CREBL2: variants seen among roughly 807,000 people sequenced by gnomAD.
CREBL2 encodes the protein cAMP responsive element binding protein like 2, also known as cAMP-responsive element-binding protein-like 2.
In CREBL2, 4 loss-of-function variants were observed where a neutral mutation model predicts 19.5. That is an observed-to-expected ratio of 0.20 (90% confidence interval 0.10 to 0.47). CREBL2 has a LOEUF of 0.47. Ranked by LOEUF, CREBL2 falls within the 20% of genes least tolerant of loss-of-function variation. CREBL2 has a pLI of 0.98. For synonymous variants in CREBL2, 42 were observed against 46.6 expected (o/e 0.90, Z 0.40); for missense variants, 85 against 145.1 (o/e 0.59, Z 2.13).
chr12:12,630,466 G>A (rs917838091), intron 1 of CREBL2, among the ~76,000 whole-genome samples: 2 of 151,912 alleles, frequency 1.3e-5, no homozygotes, highest in African/African-American at 2.4e-5. Context: ...CATGATTTTA[G>A]TATTTTTGAG....
chr12:12,619,610 C>CAAACAAA (rs112902097), intron 1 of CREBL2, among the ~76,000 whole-genome samples: 2,651 of 151,768 alleles, frequency 0.017, 78 homozygotes, highest in African/African-American at 0.06. Flanking sequence ...GACTCTGTCT[C>CAAACAAA]AAAGGAAAAA....
At chr12:12,638,660 T>C (rs1403560809) in intron 3 of CREBL2, among the ~76,000 whole-genome samples, 1 of 152,130 alleles carries the variant, frequency 6.6e-6, no homozygotes, top group African/African-American at 2.4e-5. Context: ...ATCTTAAATA[T>C]TCCCTCCATT....
chr12:12,623,570 G>T (rs1040379948), intron 1 of CREBL2, among the ~76,000 whole-genome samples: 2 of 152,166 alleles, frequency 1.3e-5, no homozygotes, highest in Non-Finnish European at 2.9e-5. Context: ...AGGGGATGGG[G>T]TTCAGGCTGG....
intron 1 of CREBL2, chr12:12,614,467 C>CT (rs34307341): frequency 0.31 from 40,344 of 128,470 alleles, 6,739 homozygotes; most frequent in South Asian, 0.43. Context: ...ATTTAGTTTC[C>CT]TTTTTTTTTT....
intron 1 of CREBL2, among the ~76,000 whole-genome samples, chr12:12,618,949 G>A (rs1001456720): frequency 6.6e-6 from 1 of 152,208 alleles, no homozygotes; most frequent in Admixed American, 6.5e-5. Context: ...TGAGGCAGGA[G>A]AATCAGGCAG....
In CREBL2 at chr12:12,644,579, G is replaced by A. The variant is rs1270022948; in HGVS notation, c.*2581G>A. The stretch of plus-strand genomic sequence containing the variant: ...CAACCTGCTGTATATTAGAGCAACT[G>A]AATATAATATGGAATAAGTTTGACC... On this transcript the variant is annotated 3_prime_UTR_variant, in exon 4 of 4. Transcript: ENST00000228865. The A allele has an allele frequency of 6.6e-6, 1 of 152,578 alleles. No homozygotes were observed. The highest frequency in any genetic ancestry group is 1.5e-5 in the Non-Finnish European group (1 of 68,028). 9.5% of individuals were successfully genotyped at this position (152,578 alleles called of 1,614,324 possible). A position where few individuals can be genotyped will look rare whatever the true frequency, so the allele number is the denominator to read the frequency against.
intron 1 of CREBL2, among the ~76,000 whole-genome samples, chr12:12,635,261 C>T (rs192038052): frequency 5.3e-5 from 8 of 151,426 alleles, no homozygotes; most frequent in South Asian, 2.1e-4. Context: ...TACAGCGACA[C>T]GGGAGGCTGA....
intron 1 of CREBL2, among the ~76,000 whole-genome samples, chr12:12,622,286 T>C (rs773875082): frequency 3.9e-5 from 6 of 152,162 alleles, no homozygotes; most frequent in Non-Finnish European, 1.5e-5. Context: ...ATTAGAGACT[T>C]TACAATGTAA....
At chr12:12,618,292 G>T (rs1945330052) in intron 1 of CREBL2, among the ~76,000 whole-genome samples, 1 of 151,474 alleles carries the variant, frequency 6.6e-6, no homozygotes, top group African/African-American at 2.4e-5. Context: ...CTGCCGGGCG[G>T]AGGGGCTCCT....
At position 12,611,925 on chromosome 12, in the gene CREBL2, G is replaced by GA. The variant is rs1413065865; in HGVS notation, c.-247dup. 1 of 579,346 alleles carries GA rather than the reference G, an allele frequency of 1.7e-6. No individual in the cohort carries two copies. Among genetic ancestry groups the GA allele is most frequent in the African/African-American group, 1.9e-5 (1 of 52,768 alleles). The allele number at this position is 579,346 out of a possible 1,614,324, so 35.9% of individuals were successfully genotyped here. ...CTGTAAACACCCAGAGACTGTCATG[G>GA]AGGGGGAGGAGGAGGCGGCGGCGGC... On this transcript the variant is annotated 5_prime_UTR_variant, in exon 1 of 4. It removes the in-frame stop codon of an upstream open reading frame in the 5' UTR. Transcript: ENST00000228865.
Position 12,642,149 on chromosome 12 carries a change from G to A in CREBL2, c.*151G>A, listed in dbSNP as rs369832341. 10 of 470,264 alleles carry A rather than the reference G, an allele frequency of 2.1e-5. No homozygotes were observed. The highest frequency in any genetic ancestry group is 8.4e-5 in the Admixed American group (2 of 23,726). The allele number at this position is 470,264 out of a possible 1,614,324, so 29.1% of individuals were successfully genotyped here. A position where few individuals can be genotyped will look rare whatever the true frequency, so the allele number is the denominator to read the frequency against. On this transcript the variant is annotated 3_prime_UTR_variant, in exon 4 of 4. Transcript: ENST00000228865. ...GCAATTTCTACCAAAATGTGTGATCGTAGATCTCAAAGGATCTTGCTTTAA... is the reference window on the plus strand; with the variant it reads ...GCAATTTCTACCAAAATGTGTGATCATAGATCTCAAAGGATCTTGCTTTAA...
At chr12:12,641,914 A>T in intron 3 of CREBL2, 80 bp from the exon 4 acceptor site, 1 of 959,164 alleles carries the variant, frequency 1.0e-6, no homozygotes, top group Non-Finnish European at 1.5e-6. Context: ...TGAAAAAAAA[A>T]ATTTATGCAT....
intron 1 of CREBL2, among the ~76,000 whole-genome samples, chr12:12,617,285 C>A (rs541787709): frequency 5.9e-5 from 9 of 152,128 alleles, no homozygotes; most frequent in Non-Finnish European, 7.3e-5. Context: ...CACATACTTA[C>A]AATGGCAAAT....
intron 1 of CREBL2, 110 bp from the exon 2 acceptor site, chr12:12,635,667 G>C: frequency 7.9e-7 from 1 of 1,269,456 alleles, no homozygotes; most frequent in Non-Finnish European, 1.1e-6. Context: ...GTTCCGTAGG[G>C]CTTCACTCAC....
intron 1 of CREBL2, among the ~76,000 whole-genome samples, chr12:12,618,285 C>A (rs1251156232): frequency 6.8e-6 from 1 of 147,526 alleles, no homozygotes. Flanking sequence ...GGGGCGGCTG[C>A]CGGGCGGAGG....
chr12:12,623,501 C>T (rs1434156426), intron 1 of CREBL2, among the ~76,000 whole-genome samples: 1 of 152,080 alleles, frequency 6.6e-6, no homozygotes, highest in Non-Finnish European at 1.5e-5. Context: ...ACAAGATTTG[C>T]CCTTCTGGAT....
intron 2 of CREBL2, 128 bp from the exon 3 acceptor site, chr12:12,637,442 C>A: frequency 2.1e-6 from 1 of 465,968 alleles, no homozygotes; most frequent in Non-Finnish European, 3.2e-6. Flanking sequence ...CAGCAGCGAA[C>A]GTGACCTCTA....
intron 1 of CREBL2, among the ~76,000 whole-genome samples, chr12:12,629,970 A>G: frequency 6.6e-6 from 1 of 152,056 alleles, no homozygotes; most frequent in African/African-American, 2.4e-5. Flanking sequence ...CCTTTTAGTC[A>G]TGGTGTATAA....
intron 1 of CREBL2, among the ~76,000 whole-genome samples, chr12:12,633,241 G>A (rs1438165114): frequency 6.6e-6 from 1 of 151,400 alleles, no homozygotes; most frequent in Non-Finnish European, 1.5e-5. Flanking sequence ...CCAGCTAGAT[G>A]TATATTGTTA....
Sources: allele counts gnomAD v4.1 joint callset (sites outside exome capture counted in the v4.1 genomes callset), GRCh38; gene constraint gnomAD v4.1.1; transcripts MANE v1.5; gene names NCBI Gene and HGNC (gene_info 2026-07-23, HGNC 2026-07-21).